The following CELF1 variants were observed in gnomAD, a reference collection of about 807,000 sequenced individuals.
The protein encoded by CELF1 is CUGBP Elav-like family member 1, also known as 50 kDa nuclear polyadenylated RNA-binding protein.
In CELF1, 10 loss-of-function variants were observed where a neutral mutation model predicts 61.8. That is an observed-to-expected ratio of 0.16 (90% confidence interval 0.10 to 0.27). The LOEUF is 0.27. Among genes scored for constraint, CELF1 ranks in the 10% least tolerant of loss-of-function variants. The pLI, the probability that CELF1 is intolerant of heterozygous loss-of-function variation, is 1.00. For synonymous variants in CELF1, 236 were observed against 225.1 expected, an observed-to-expected ratio of 1.05 and a Z score of -0.43; for missense variants, 380 against 639.1, an observed-to-expected ratio of 0.59 and a Z score of 4.37.
chr11:47,511,333 C>G lies in CELF1; in HGVS notation c.-153-10401G>C, dbSNP rs182482877. ...GGAGAGGCAGGCCCCAACTGTCAGT[C>G]TCTCTTGGCCCTCAGGATAACCTCT... On this transcript the variant is annotated intron_variant, in intron 1 of 14. Coordinates refer to ENST00000687097, the MANE Select transcript of CELF1 (RefSeq NM_001376376.1). Among the ~76,000 whole-genome samples, 226 of 152,380 alleles carry G rather than the reference C, an allele frequency of 1.5e-3. 6 individuals are homozygous for G. The highest frequency in any genetic ancestry group is 0.014 in the Admixed American group (221 of 15,306).
chr11:47,481,102 CTTTTTTT>C (rs1187959061), intron 9 of CELF1, among the ~76,000 whole-genome samples: 11 of 71,434 alleles, frequency 1.5e-4, no homozygotes, highest in South Asian at 6.0e-4. Flanking sequence ...TTTTCTTCTT[CTTTTTTT>C]TTTTTTTTTT....
intron 1 of CELF1, among the ~76,000 whole-genome samples, chr11:47,519,725 T>TGGTCGTGGGCGC: frequency 6.6e-6 from 1 of 151,938 alleles, no homozygotes; most frequent in South Asian, 2.1e-4. Flanking sequence ...TAGCTGGGCG[T>TGGTCGTGGGCGC]GGTCGTGGGC....
At chr11:47,504,902 C>CAAAAAAAAAAAAAAAAAAAAA (rs374401044) in intron 1 of CELF1, among the ~76,000 whole-genome samples, 20 of 107,906 alleles carry the variant, frequency 1.9e-4, no homozygotes, top group Middle Eastern at 5.2e-3. Context: ...ACTCTGTCAC[C>CAAAAAAAAAAAAAAAAAAAAA]AAAAAAAAAA....
At chr11:47,486,727 G>C (rs931046425) in intron 6 of CELF1, 23 bp downstream of exon 6, 1 of 1,600,326 alleles carries the variant, frequency 6.2e-7, no homozygotes, top group Non-Finnish European at 8.6e-7. Context: ...ATCTTAAGGG[G>C]AAGATTGTAT....
At chr11:47,487,337 G>T (rs1392411073) in intron 4 of CELF1, 96 bp from the exon 5 acceptor site, 1 of 888,132 alleles carries the variant, frequency 1.1e-6, no homozygotes, top group Non-Finnish European at 1.8e-6. Flanking sequence ...TTAAAAGAGG[G>T]CTGGGTTTAT....
At chr11:47,517,374 A>C (rs1324579530) in intron 1 of CELF1, among the ~76,000 whole-genome samples, 2 of 152,190 alleles carry the variant, frequency 1.3e-5, no homozygotes, top group Non-Finnish European at 2.9e-5. Flanking sequence ...AGGGGCATTC[A>C]TAAGAACATT....
intron 1 of CELF1, among the ~76,000 whole-genome samples, chr11:47,534,032 T>TTC (rs1555188639): frequency 2.1e-5 from 3 of 142,870 alleles, no homozygotes; most frequent in Non-Finnish European, 3.1e-5. Context: ...CTTTTTTTTT[T>TTC]TTTTTTTTTT....
At chr11:47,494,523 T>G in intron 3 of CELF1, 1 of 978,406 alleles carries the variant, frequency 1.0e-6, no homozygotes, top group Non-Finnish European at 1.2e-6. Context: ...TCAAAGTATG[T>G]ATTTGTTCAA....
intron 1 of CELF1, among the ~76,000 whole-genome samples, chr11:47,543,033 T>C (rs2096848628): frequency 6.6e-6 from 1 of 151,932 alleles, no homozygotes; most frequent in South Asian, 2.1e-4. Context: ...GGCTGGAGGA[T>C]CGCTTGAGCC....
At chr11:47,482,881 G>T (rs1286447198) in intron 8 of CELF1, 25 bp from the exon 9 acceptor site, 8 of 1,590,910 alleles carry the variant, frequency 5.0e-6, no homozygotes, top group Non-Finnish European at 6.9e-6. Flanking sequence ...TAACGAAAGG[G>T]TCAAATTCCT....
chr11:47,562,702 G>T (rs547524689), intron 2 of CELF1, among the ~76,000 whole-genome samples: 2,326 of 150,428 alleles, frequency 0.015, 47 homozygotes, highest in African/African-American at 0.047. Flanking sequence ...GTTTTTTTTT[G>T]TTTTGTTTTG....
At chr11:47,526,315 T>C (rs539620104) in intron 1 of CELF1, among the ~76,000 whole-genome samples, 120 of 152,074 alleles carry the variant, frequency 7.9e-4, no homozygotes, top group Admixed American at 1.7e-3. Flanking sequence ...AGCAAAACTC[T>C]GTCTCAAGGA....
chr11:47,536,345 G>A (rs560538910), intron 1 of CELF1, among the ~76,000 whole-genome samples: 33 of 152,308 alleles, frequency 2.2e-4, no homozygotes, highest in Non-Finnish European at 3.5e-4. Flanking sequence ...CATCGTGGGC[G>A]ACAAGGCGAG....
intron 1 of CELF1, among the ~76,000 whole-genome samples, chr11:47,547,682 AAG>A (rs376869064): frequency 0.025 from 1,845 of 75,274 alleles, 85 homozygotes; most frequent in South Asian, 0.21. Context: ...AAAAAAAAAA[AAG>A]AAAAAAAAAA....
Position 47,499,137 on chromosome 11 carries a change from T to TA in CELF1, c.71+315dup, listed in dbSNP as rs879880120. On this transcript the variant is annotated intron_variant, in intron 3 of 14. Coordinates refer to ENST00000687097, the MANE Select transcript of CELF1 (RefSeq NM_001376376.1). ...AACCCAAAGCGACAATGCTACAGTT[T>TA]AAAAAAAAAATACCTTGTAATCTAT... 7.1e-4 allele frequency among the ~76,000 whole-genome samples: 106 copies of TA among 149,858 alleles called. 4 individuals carry two copies. The East Asian group carries it at 0.011, about 15-fold the overall frequency.
At chr11:47,501,903 T>A (rs1306924408) in intron 1 of CELF1, among the ~76,000 whole-genome samples, 1 of 152,200 alleles carries the variant, frequency 6.6e-6, no homozygotes, top group African/African-American at 2.4e-5. Flanking sequence ...GTGTTTTTAA[T>A]ATTTCCTAAA....
At chr11:47,542,118 T>G (rs2096823532) in intron 1 of CELF1, among the ~76,000 whole-genome samples, 1 of 151,990 alleles carries the variant, frequency 6.6e-6, no homozygotes, top group South Asian at 2.1e-4. Context: ...GTCTGTAATT[T>G]CAGCACTTCG....
intron 1 of CELF1, among the ~76,000 whole-genome samples, chr11:47,525,274 T>C (rs991616732): frequency 1.7e-4 from 26 of 152,238 alleles, no homozygotes; most frequent in African/African-American, 6.3e-4. Flanking sequence ...TGATGGCTTA[T>C]ATAACCAGAA....
chr11:47,499,909 AAAC>A (rs2093686454), intron 2 of CELF1: 1 of 172,068 alleles, frequency 5.8e-6, no homozygotes, highest in East Asian at 1.5e-4. Flanking sequence ...CACATCCTCC[AAAC>A]TCCTCCCTGC....
Sources: gnomAD v4.1 joint callset for allele counts (sites outside exome capture counted in the v4.1 genomes callset) on GRCh38, gnomAD v4.1.1 for gene constraint, MANE v1.5 for transcripts, NCBI Gene and HGNC (gene_info 2026-07-23, HGNC 2026-07-21) for gene names.